The following MEGF9 variants were observed in gnomAD, a reference collection of about 807,000 sequenced individuals.
The protein encoded by MEGF9 is multiple EGF like domains 9.
MEGF9 carries 6 observed loss-of-function variants against 46.8 expected under a neutral mutation model. That is an observed-to-expected ratio of 0.13 (90% confidence interval 0.07 to 0.25). The LOEUF (loss-of-function observed/expected upper bound fraction) is 0.25. MEGF9 is among the 10% of genes least tolerant of loss of function. The probability of loss-of-function intolerance (pLI) is 1.00; values close to 1 mark genes in which losing one functional copy is unlikely to be tolerated. For synonymous variants in MEGF9, 302 were observed against 330.7 expected, an observed-to-expected ratio of 0.91 and a Z score of 0.94; for missense variants, 683 against 792.4, an observed-to-expected ratio of 0.86 and a Z score of 1.66.
chr9:120,669,317 T>C (rs891043665), intron 1 of MEGF9, among the ~76,000 whole-genome samples: 1 of 152,176 alleles, frequency 6.6e-6, no homozygotes, highest in Non-Finnish European at 1.5e-5. Flanking sequence ...AGTAAATAGC[T>C]ATAAATGTCT....
At chr9:120,622,862 C>T in intron 2 of MEGF9, 107 bp from the exon 3 acceptor site, 1 of 1,060,582 alleles carries the variant, frequency 9.4e-7, no homozygotes, top group East Asian at 2.5e-5. Context: ...ATCATATATA[C>T]TTACCATATC....
chr9:120,709,736 G>A (rs1435217147), intron 1 of MEGF9, among the ~76,000 whole-genome samples: 1 of 152,144 alleles, frequency 6.6e-6, no homozygotes, highest in Non-Finnish European at 1.5e-5. Context: ...CTACCCCTAA[G>A]GGTCCATAAT....
intron 1 of MEGF9, among the ~76,000 whole-genome samples, chr9:120,688,966 C>T (rs1240144315): frequency 6.6e-6 from 1 of 152,134 alleles, no homozygotes; most frequent in Non-Finnish European, 1.5e-5. Context: ...GTTCAATCAT[C>T]AACAAACTAG....
intron 1 of MEGF9, among the ~76,000 whole-genome samples, chr9:120,690,293 C>T (rs533414262): frequency 4.6e-5 from 7 of 152,098 alleles, no homozygotes; most frequent in Admixed American, 4.6e-4. Context: ...CAAAACCAAA[C>T]CTGACATATT....
At chr9:120,643,001 A>G (rs77727896) in intron 2 of MEGF9, among the ~76,000 whole-genome samples, 3,605 of 152,324 alleles carry the variant, frequency 0.024, 151 homozygotes, top group African/African-American at 0.083. Flanking sequence ...AGCCATAATA[A>G]TGGAATTTAT....
chr9:120,656,546 CAAAAAAAAAAAA>C lies in MEGF9; in HGVS notation c.803+2816_803+2827del, dbSNP rs11446439. ...TGAGAGACAGAGCGAGACTCCGTCT[CAAAAAAAAAAAA>C]AAAAAAAAAGATTAAATGAGATAAT... is the stretch of plus-strand genomic sequence containing the variant. On this transcript the variant is annotated intron_variant, in intron 2 of 5. Coordinates refer to ENST00000373930, the MANE Select transcript of MEGF9 (RefSeq NM_001080497.3). Among the ~76,000 whole-genome samples, 355 of 88,908 alleles carry C rather than the reference CAAAAAAAAAAAA, an allele frequency of 4.0e-3. 1 individual carries two copies. The highest frequency in any genetic ancestry group is 5.7e-3 in the Non-Finnish European group (272 of 48,002). 58.3% of individuals were successfully genotyped at this position (88,908 alleles called of 152,430 possible).
At chr9:120,641,758 T>C (rs1266830675) in intron 2 of MEGF9, among the ~76,000 whole-genome samples, 5 of 152,224 alleles carry the variant, frequency 3.3e-5, no homozygotes, top group Non-Finnish European at 7.3e-5. Context: ...CTATTTTTTA[T>C]ATCCCTATCC....
chr9:120,614,896 T>A (rs1408220013), intron 3 of MEGF9, among the ~76,000 whole-genome samples: 1 of 151,810 alleles, frequency 6.6e-6, no homozygotes, highest in East Asian at 1.9e-4. Flanking sequence ...CAAGAAAAGG[T>A]CATGTTGCTA....
At chr9:120,647,368 C>A (rs1266476644) in intron 2 of MEGF9, among the ~76,000 whole-genome samples, 1 of 152,188 alleles carries the variant, frequency 6.6e-6, no homozygotes, top group African/African-American at 2.4e-5. Context: ...TATTAACATG[C>A]AAACTTTAAT....
rs925364909 is a variant in MEGF9, at chr9:120,604,460, A to G, written c.*730T>C. 3 of 152,594 alleles carry G rather than the reference A, an allele frequency of 2.0e-5. No homozygotes were observed. Among genetic ancestry groups the G allele is most frequent in the African/African-American group, 7.2e-5 (3 of 41,428 alleles). The allele number at this position is 152,594 out of a possible 1,614,324, so 9.5% of individuals were successfully genotyped here. ...GTCGACCAGATATGCTACATTAACT[A>G]TGTACACCTTATTTCTCTAGAGGCA... On this transcript the variant is annotated 3_prime_UTR_variant, in exon 6 of 6. Transcript: ENST00000373930.
chr9:120,646,974 T>C (rs2043628721), intron 2 of MEGF9, among the ~76,000 whole-genome samples: 1 of 152,128 alleles, frequency 6.6e-6, no homozygotes. Flanking sequence ...AACAAAATTT[T>C]AAGATATTTC....
At chr9:120,614,514 T>G (rs2043462843) in intron 3 of MEGF9, among the ~76,000 whole-genome samples, 1 of 152,226 alleles carries the variant, frequency 6.6e-6, no homozygotes, top group Non-Finnish European at 1.5e-5. Flanking sequence ...CTTTAGGTAC[T>G]GGCTTCTTTC....
intron 2 of MEGF9, among the ~76,000 whole-genome samples, chr9:120,656,877 G>A (rs1355207646): frequency 6.6e-6 from 1 of 152,098 alleles, no homozygotes; most frequent in African/African-American, 2.4e-5. Context: ...GAGCCCAGGA[G>A]TTCAAGACCA....
intron 2 of MEGF9, among the ~76,000 whole-genome samples, chr9:120,632,455 C>T (rs2132308958): frequency 6.6e-6 from 1 of 151,904 alleles, no homozygotes. Flanking sequence ...TTGTGTCCTC[C>T]AACTTTACTG....
intron 1 of MEGF9, among the ~76,000 whole-genome samples, chr9:120,695,026 T>C (rs557417661): frequency 6.7e-5 from 10 of 148,218 alleles, no homozygotes; most frequent in Admixed American, 5.4e-4. Context: ...GTGCTGGCCA[T>C]ATAGTGGTTT....
chr9:120,678,276 T>C (rs2043782560), intron 1 of MEGF9, among the ~76,000 whole-genome samples: 1 of 152,336 alleles, frequency 6.6e-6, no homozygotes, highest in Non-Finnish European at 1.5e-5. Flanking sequence ...TATTCCTCGA[T>C]ATATGGATTT....
chr9:120,607,620 A>G, intron 5 of MEGF9, 121 bp downstream of exon 5: 1 of 1,080,200 alleles, frequency 9.3e-7, no homozygotes, highest in Non-Finnish European at 1.3e-6. Context: ...CTTTAGGCAA[A>G]TATCTATCAA....
intron 1 of MEGF9, among the ~76,000 whole-genome samples, chr9:120,684,599 T>G (rs1357690705): frequency 2.6e-5 from 4 of 152,212 alleles, no homozygotes; most frequent in Non-Finnish European, 1.5e-5. Flanking sequence ...GTGAAATTCT[T>G]TGCTTTATCA....
intron 3 of MEGF9, among the ~76,000 whole-genome samples, chr9:120,620,151 AG>A (rs932737563): frequency 6.6e-6 from 1 of 152,246 alleles, no homozygotes; most frequent in African/African-American, 2.4e-5. Flanking sequence ...TTATCTCCAG[AG>A]AAAGGACAGG....
Sources: gnomAD v4.1 joint callset for allele counts (sites outside exome capture counted in the v4.1 genomes callset) on GRCh38, gnomAD v4.1.1 for gene constraint, MANE v1.5 for transcripts, NCBI Gene and HGNC (gene_info 2026-07-23, HGNC 2026-07-21) for gene names.